The following LHX6 variants were observed in gnomAD, a reference collection of about 807,000 sequenced individuals.
The protein encoded by LHX6 is LIM homeobox 6, also known as LIM/homeobox protein Lhx6.
Under a neutral mutation model 47.1 loss-of-function variants are expected in LHX6, and 15 were observed. That is an observed-to-expected ratio of 0.32 (90% CI 0.21 to 0.49). The LOEUF is 0.49. LHX6 is among the 20% of genes least tolerant of loss of function. LHX6 has a pLI of 0.99. For missense variants in LHX6, 404 were observed against 539.6 expected (o/e 0.75, Z 2.49); for synonymous variants, 242 against 233.5 (o/e 1.04, Z -0.33).
intron 4 of LHX6, chr9:122,221,785 T>C: frequency 1.0e-6 from 1 of 960,214 alleles, no homozygotes; most frequent in Non-Finnish European, 1.2e-6. Flanking sequence ...AGGGACTCTT[T>C]GGATCAGCAG....
intron 4 of LHX6, among the ~76,000 whole-genome samples, chr9:122,224,089 G>A (rs889097094): frequency 6.6e-5 from 10 of 152,114 alleles, no homozygotes; most frequent in Non-Finnish European, 1.0e-4. Flanking sequence ...GTGTAGTGAC[G>A]TGATCTTGGC....
chr9:122,213,262 T>C lies in LHX6; in HGVS notation c.1054+344A>G, dbSNP rs1208333860. On this transcript the variant is annotated intron_variant, in intron 8 of 9. Transcript: ENST00000394319. This position sits in a 1 kb window ranked among gnomAD's most constrained non-coding sequence, Gnocchi z 5.5. ...TAAAACGACACACTCATCTGCCTAT[T>C]TTTCCATGCCCACCAGAACGCAGGC... Among the ~76,000 whole-genome samples, 1 of 152,050 alleles carries C rather than the reference T, an allele frequency of 6.6e-6. No homozygotes were observed. Among genetic ancestry groups the C allele is most frequent in the Non-Finnish European group, 1.5e-5 (1 of 68,016 alleles).
chr9:122,227,209 C>T (rs1831139991), intron 2 of LHX6, 179 bp from the exon 3 acceptor site: 2 of 767,410 alleles, frequency 2.6e-6, no homozygotes, highest in South Asian at 2.1e-5. Flanking sequence ...ACGGCCCCAA[C>T]TTTTAACACG....
At chr9:122,216,984 G>A in intron 5 of LHX6, 84 bp downstream of exon 5, 1 of 1,162,076 alleles carries the variant, frequency 8.6e-7, no homozygotes, top group Non-Finnish European at 1.3e-6. Flanking sequence ...CGGTAGAGGA[G>A]TGTGGGTGGT....
At chr9:122,220,855 G>C (rs1265312880) in intron 4 of LHX6, among the ~76,000 whole-genome samples, 1 of 152,212 alleles carries the variant, frequency 6.6e-6, no homozygotes, top group Non-Finnish European at 1.5e-5. Context: ...CTGCGCCCTT[G>C]ACCAAGTCAG....
intron 5 of LHX6, 118 bp downstream of exon 5, chr9:122,216,950 G>T: frequency 1.2e-6 from 1 of 826,446 alleles, no homozygotes; most frequent in Non-Finnish European, 1.9e-6. Context: ...CGCTGCCTGC[G>T]GGACTATACC....
intron 1 of LHX6, 115 bp downstream of exon 1, chr9:122,228,542 C>A: frequency 7.4e-7 from 1 of 1,348,292 alleles, no homozygotes; most frequent in Non-Finnish European, 9.6e-7. Context: ...CACTCACAGG[C>A]GCACCCTCGT....
chr9:122,228,492 C>A (rs1412497000), intron 1 of LHX6, 165 bp downstream of exon 1: 5 of 1,335,338 alleles, frequency 3.7e-6, no homozygotes, highest in African/African-American at 1.9e-5. Context: ...CGCGACCCCC[C>A]CCCCCCGCTC....
intron 9 of LHX6, among the ~76,000 whole-genome samples, chr9:122,208,765 G>A (rs533384703): frequency 9.9e-5 from 15 of 151,300 alleles, no homozygotes; most frequent in African/African-American, 3.6e-4. Context: ...AACCCAGGAG[G>A]TGGAGGTTGC....
chr9:122,223,529 C>T lies in LHX6; in HGVS notation c.461+2847G>A, dbSNP rs142060412. Among the ~76,000 whole-genome samples the T allele has an allele frequency of 3.8e-3, 578 of 152,296 alleles. 5 individuals carry two copies. The highest frequency in any genetic ancestry group is 0.013 in the African/African-American group (555 of 41,556). On this transcript the variant is annotated intron_variant, in intron 4 of 9. Coordinates refer to ENST00000394319, the MANE Select transcript of LHX6 (RefSeq NM_014368.5). ...GGGAGCCTTTATAGAGACTTCCCCC[C>T]AACAGTGGCCTCTTTGGCAGCTCTG...
chr9:122,207,310 G>A (rs1380652859), intron 9 of LHX6, among the ~76,000 whole-genome samples: 2 of 152,230 alleles, frequency 1.3e-5, no homozygotes, highest in Non-Finnish European at 1.5e-5. Context: ...GTCGGAGAGA[G>A]GGCTGTGTAC....
chr9:122,209,715 G>T lies in LHX6; in HGVS notation c.1057C>A (p.Gln353Lys). 2.4e-6 allele frequency: 2 copies of T among 844,504 alleles called. No individual in the cohort carries two copies. Among genetic ancestry groups the T allele is most frequent in the South Asian group, 2.6e-5 (2 of 75,618 alleles). 52.3% of individuals were successfully genotyped at this position (844,504 alleles called of 1,614,324 possible). A position where few individuals can be genotyped will look rare whatever the true frequency, so the allele number is the denominator to read the frequency against. Residue 353 changes from glutamine to lysine, a missense_variant and splice_region_variant, in exon 9 of 10, where the codon CAG becomes AAG. By Grantham distance (53) the Gln-to-Lys change is moderately conservative. Coordinates refer to ENST00000394319, the MANE Select transcript of LHX6 (RefSeq NM_014368.5). ...CAGTGCACCTGCCCGCACTGTACCT[G>T]ACCTGTGGACGAGAGGATGCCTTGG... ...MVTLHGYIES[Q>K]VQCGQVHCRL...
chr9:122,219,798 C>T (rs1830762385), intron 4 of LHX6, among the ~76,000 whole-genome samples: 1 of 152,204 alleles, frequency 6.6e-6, no homozygotes, highest in Non-Finnish European at 1.5e-5. Flanking sequence ...CAAAAAGTAC[C>T]TAGAACCTGC....
At chr9:122,216,059 G>A (rs1321278030) in intron 5 of LHX6, among the ~76,000 whole-genome samples, 1 of 152,174 alleles carries the variant, frequency 6.6e-6, no homozygotes, top group Non-Finnish European at 1.5e-5. Flanking sequence ...GTGTGGTATG[G>A]TATGATATGG....
chr9:122,228,149 C>T (rs893572998), intron 1 of LHX6: 1 of 909,462 alleles, frequency 1.1e-6, no homozygotes, highest in Non-Finnish European at 1.7e-6. Context: ...ATTGAAGCAG[C>T]TATATTGACA....
intron 4 of LHX6, among the ~76,000 whole-genome samples, chr9:122,220,881 C>T (rs1019623579): frequency 3.3e-5 from 5 of 152,248 alleles, no homozygotes; most frequent in Admixed American, 6.5e-5. Context: ...CTTTCCCAGC[C>T]TACTATGCTG....
intron 4 of LHX6, chr9:122,221,497 G>A (rs1268913522): frequency 7.1e-6 from 7 of 985,512 alleles, no homozygotes; most frequent in Non-Finnish European, 8.4e-6. Flanking sequence ...AGAAGGCTAG[G>A]GGCTTGCATG....
chr9:122,221,315 C>T (rs927839182), intron 4 of LHX6: 4 of 985,482 alleles, frequency 4.1e-6, no homozygotes, highest in Non-Finnish European at 3.6e-6. Context: ...GCTCCCCTCT[C>T]GGCTCCCCCA....
chr9:122,210,855 G>A (rs1176255055), intron 8 of LHX6, among the ~76,000 whole-genome samples: 32 of 152,134 alleles, frequency 2.1e-4, no homozygotes, highest in Non-Finnish European at 4.4e-5. Context: ...GAGCCACCAC[G>A]CCCAGCCTGA....
Sources: gnomAD v4.1 joint callset for allele counts (sites outside exome capture counted in the v4.1 genomes callset) on GRCh38, gnomAD v4.1.1 for gene constraint, Gnocchi (gnomAD v3.1) non-coding constraint, MANE v1.5 for transcripts, NCBI Gene and HGNC (gene_info 2026-07-23, HGNC 2026-07-21) for gene names.